ZNF214: variants seen among roughly 807,000 people sequenced by gnomAD.
ZNF214 encodes the protein BWSCR2-associated zinc finger protein 1.
A neutral mutation model predicts 53.9 loss-of-function variants in ZNF214; 43 were observed. The ratio of observed to expected loss-of-function variants is 0.80; its 90% CI spans 0.63 to 1.03. The LOEUF (loss-of-function observed/expected upper bound fraction) is 1.03, where lower values mean the gene tolerates loss of function less well. ZNF214 is among the 50% of genes least tolerant of loss of function. The pLI, the probability that ZNF214 is intolerant of heterozygous loss-of-function variation, is 0.00. For synonymous variants in ZNF214, 217 were observed against 229.5 expected, an observed-to-expected ratio of 0.95 and a Z score of 0.49; for missense variants, 724 against 719.1, an observed-to-expected ratio of 1.01 and a Z score of -0.08.
At chr11:7,013,939 A>G (rs1851681449) in intron 1 of ZNF214, among the ~76,000 whole-genome samples, 1 of 152,244 alleles carries the variant, frequency 6.6e-6, no homozygotes. Flanking sequence ...CAAAAAGTAT[A>G]CTTATTAAAA....
chr11:7,000,878 G>C lies in ZNF214; in HGVS notation c.805C>G (p.His269Asp). Reference protein sequence around the residue: ...RSDLYRHPRNHIGKKLYGCDE... With the variant: ...RSDLYRHPRNDIGKKLYGCDE... The stretch of plus-strand genomic sequence containing the variant: ...CATCCGTACAGCTTCTTACCTATGT[G>C]GTTTCTTGGATGTCTATACAAGTCT... Residue 269 changes from histidine to aspartate, a missense_variant, in exon 3 of 3, where the codon CAC becomes GAC. His to Asp is a moderately conservative substitution (Grantham distance 81, BLOSUM62 -1). Coordinates refer to ENST00000278314, the MANE Select transcript of ZNF214 (RefSeq NM_013249.4). The C allele has an allele frequency of 6.2e-7, 1 of 1,613,072 alleles. No homozygotes were observed.
At chr11:7,014,815 AAAAAC>A (rs1330966380) in intron 1 of ZNF214, among the ~76,000 whole-genome samples, 1 of 148,912 alleles carries the variant, frequency 6.7e-6, no homozygotes, top group Admixed American at 6.7e-5. Flanking sequence ...AAAAAAAAAA[AAAAAC>A]AAAAAAAAAA....
rs575539555 is a variant in ZNF214 at position 7,000,964 on chromosome 11, T to A, written c.719A>T (p.Asn240Ile). The change falls in exon 3 of 3, where the codon AAT becomes ATT. Residue 240 changes from asparagine to isoleucine, a missense_variant. Coordinates refer to ENST00000278314, the MANE Select transcript of ZNF214 (RefSeq NM_013249.4). ...WNSRCVFHKR[N>I]QPGENLCQCS... ...TTGACAGAGGTTTTCTCCAGGTTGATTTCTCTTGTGGAAAACACACCGTGA... is the reference window on the plus strand; with the variant it reads ...TTGACAGAGGTTTTCTCCAGGTTGAATTCTCTTGTGGAAAACACACCGTGA... 6.2e-7 allele frequency: 1 copy of A among 1,612,988 alleles called. No homozygotes were observed. Among genetic ancestry groups the A allele is most frequent in the African/African-American group, 1.3e-5 (1 of 74,992 alleles).
At chr11:7,005,832 A>G (rs976565872) in intron 1 of ZNF214, among the ~76,000 whole-genome samples, 5 of 152,088 alleles carry the variant, frequency 3.3e-5, no homozygotes, top group Non-Finnish European at 2.9e-5. Context: ...TACATATGCT[A>G]TAATTCTTCT....
intron 1 of ZNF214, among the ~76,000 whole-genome samples, chr11:7,015,376 G>A (rs534878168): frequency 7.2e-5 from 11 of 152,176 alleles, no homozygotes; most frequent in African/African-American, 2.2e-4. Context: ...TCAGGAGTTC[G>A]AGACTAGCCT....
rs1347763781 is a variant in ZNF214, at chr11:6,998,096, GAA to G, written c.*1764_*1765del. Among the ~76,000 whole-genome samples, 1 of 151,872 alleles carries G rather than the reference GAA, an allele frequency of 6.6e-6. No individual in the cohort carries two copies. Among genetic ancestry groups the G allele is most frequent in the African/African-American group, 2.4e-5 (1 of 41,406 alleles). ...AAAAATATTTGTTTCCTGCACATAT[GAA>G]AGACACTTTTGTTATAAAACTGGTG... On this transcript the variant is annotated 3_prime_UTR_variant, in exon 3 of 3. Coordinates refer to ENST00000278314, the MANE Select transcript of ZNF214 (RefSeq NM_013249.4).
At chr11:7,008,216 T>C (rs895382235) in intron 1 of ZNF214, among the ~76,000 whole-genome samples, 1 of 152,096 alleles carries the variant, frequency 6.6e-6, no homozygotes, top group Non-Finnish European at 1.5e-5. Context: ...GCGGATTGCT[T>C]GAGCCCAGGA....
Position 7,000,805 on chromosome 11 carries a change from T to C in ZNF214, c.878A>G (p.His293Arg). ...TACCTCCCCTATGTGAACTCTCTGATGAAAGTGAACTCCGGAGCTCTGATG... is the reference window on the plus strand; with the variant it reads ...TACCTCCCCTATGTGAACTCTCTGACGAAAGTGAACTCCGGAGCTCTGATG... ...NFHQSSGVHF[H>R]QRVHIGEVPY... The change falls in exon 3 of 3, where the codon CAT becomes CGT. Residue 293 changes from histidine to arginine, a missense_variant. Transcript: ENST00000278314. 1 of 1,611,406 alleles carries C rather than the reference T, an allele frequency of 6.2e-7. No homozygotes were observed. The highest frequency in any genetic ancestry group is 8.5e-7 in the Non-Finnish European group (1 of 1,179,234).
intron 1 of ZNF214, among the ~76,000 whole-genome samples, chr11:7,006,930 A>G (rs1020084132): frequency 1.3e-5 from 2 of 152,086 alleles, no homozygotes; most frequent in Non-Finnish European, 2.9e-5. Flanking sequence ...TGCATGAAAT[A>G]TGACAAGAAA....
Position 7,020,289 on chromosome 11 carries a change from C to CTT in ZNF214, c.-238_-237insAA, listed in dbSNP as rs1413116900. The CTT allele has an allele frequency of 1.1e-4, 17 of 151,916 alleles. No individual in the cohort carries two copies. The highest frequency in any genetic ancestry group is 3.9e-4 in the African/African-American group (16 of 41,368). 9.4% of individuals were successfully genotyped at this position (151,916 alleles called of 1,614,324 possible). ...GCCTGTGAGAGTGGACCGGGATGGC[C>CTT]AAAACACTCAGTCCACACAAACAAT... On this transcript the variant is annotated 5_prime_UTR_variant, in exon 1 of 3. Transcript: ENST00000278314.
At position 6,999,953 on chromosome 11, in the gene ZNF214, G is replaced by T. The variant is rs139699967; in HGVS notation, c.1730C>A (p.Ala577Glu). Reference protein sequence around the residue: ...SALRIHQRVHAGEKPYKCREY... With the variant: ...SALRIHQRVHEGEKPYKCREY... ...ACGGCATTTGTAAGGTTTCTCTCCT[G>T]CATGGACTCTTTGATGAATTCGAAG... The change falls in exon 3 of 3, where the codon GCA (alanine) becomes GAA (glutamate). Residue 577 changes from alanine to glutamate, a missense_variant. Physicochemically the swap from Ala to Glu is moderately radical, Grantham distance 107. Coordinates refer to ENST00000278314, the MANE Select transcript of ZNF214 (RefSeq NM_013249.4). 3.6e-4 allele frequency: 576 copies of T among 1,613,086 alleles called. 1 individual carries two copies. The African/African-American group carries it at 6.7e-3, about 19-fold the overall frequency.
chr11:7,005,571 TC>T (rs1174328752), intron 1 of ZNF214, among the ~76,000 whole-genome samples: 1 of 152,132 alleles, frequency 6.6e-6, no homozygotes, highest in Non-Finnish European at 1.5e-5. Flanking sequence ...GTTCTTTTGT[TC>T]CAGGGACTTG....
Sources: gnomAD v4.1 joint callset for allele counts (sites outside exome capture counted in the v4.1 genomes callset) on GRCh38, gnomAD v4.1.1 for gene constraint, MANE v1.5 for transcripts, NCBI Gene and HGNC (gene_info 2026-07-23, HGNC 2026-07-21) for gene names.